The following ILDR1 variants were observed in gnomAD, a reference collection of about 807,000 sequenced individuals.
ILDR1 encodes immunoglobulin-like domain-containing receptor 1.
Under a neutral mutation model 62.4 loss-of-function variants are expected in ILDR1, and 56 were observed. The observed-to-expected ratio is 0.90, with a 90% CI of 0.72 to 1.12. The LOEUF is 1.12. ILDR1 is among the 50% of genes most tolerant of loss of function. The pLI, the probability that ILDR1 is intolerant of heterozygous loss-of-function variation, is 0.00. For missense variants in ILDR1, 736 were observed against 710.6 expected, an observed-to-expected ratio of 1.04 and a Z score of -0.41; for synonymous variants, 284 against 277.8, an observed-to-expected ratio of 1.02 and a Z score of -0.22.
rs1559875102 is a variant in ILDR1, at chr3:122,001,402, C to G, written c.552G>C (p.Leu184=). 1.2e-6 allele frequency: 2 copies of G among 1,614,136 alleles called. No individual in the cohort carries two copies. Among genetic ancestry groups the G allele is most frequent in the Non-Finnish European group, 8.5e-7 (1 of 1,180,012 alleles). Residue 184 remains leucine (L), a synonymous_variant, in exon 5 of 8, where the codon CTG becomes CTC. Coordinates refer to ENST00000344209, the MANE Select transcript of ILDR1 (RefSeq NM_001199799.2). The stretch of plus-strand genomic sequence containing the variant: ...AGCACTGGCACCAGCACACTCCAAT[C>G]AGCAGCAGGAGGAGGAGGGCTCCCA... ...IILGALLLLL[L]IGVCWCQCCP...
chr3:122,045,655 C>T, the ILDR1 span, among the ~76,000 whole-genome samples: 1 of 151,512 alleles, frequency 6.6e-6, no homozygotes, highest in South Asian at 2.1e-4. Flanking sequence ...TTGAATTGAT[C>T]CCTTTACCAT....
At chr3:122,059,865 G>A in the ILDR1 span, among the ~76,000 whole-genome samples, 4 of 152,120 alleles carry the variant, frequency 2.6e-5, no homozygotes, top group East Asian at 1.9e-4. Flanking sequence ...AACACACAGC[G>A]GAAAAGCGGT....
chr3:122,039,836 T>G, the ILDR1 span, among the ~76,000 whole-genome samples: 1 of 151,892 alleles, frequency 6.6e-6, no homozygotes, highest in Non-Finnish European at 1.5e-5. Context: ...ATAACATGGG[T>G]AAAAATAAAA....
chr3:122,014,124 T>C (rs549633724), intron 1 of ILDR1, among the ~76,000 whole-genome samples: 5 of 152,364 alleles, frequency 3.3e-5, no homozygotes, highest in African/African-American at 1.2e-4. Context: ...TTGAGGAATA[T>C]TCACGCACTT....
intron 5 of ILDR1, among the ~76,000 whole-genome samples, chr3:122,000,053 A>G (rs2071493983): frequency 6.6e-6 from 1 of 152,112 alleles, no homozygotes. Flanking sequence ...TCTTTGAAAA[A>G]AAAAAACAGC....
rs1039284384 is a variant in ILDR1 at position 122,001,644 on chromosome 3, G to A, written c.499+101C>T. On this transcript the variant is annotated intron_variant, in intron 4 of 7. Coordinates refer to ENST00000344209, the MANE Select transcript of ILDR1 (RefSeq NM_001199799.2). Reference sequence around the variant, plus strand: ...TTAGAGGTTGATAATCCAATGACAAGAACTTAGGCTTGCTTATTTCTGGTT... The same window carrying A: ...TTAGAGGTTGATAATCCAATGACAAAAACTTAGGCTTGCTTATTTCTGGTT... The A allele has an allele frequency of 6.3e-5, 98 of 1,551,216 alleles. 1 individual carries two copies. Among genetic ancestry groups the A allele is most frequent in the South Asian group, 3.3e-4 (29 of 88,934 alleles).
chr3:122,024,214 ATTAAACC>A, upstream of ILDR1, among the ~76,000 whole-genome samples: 1 of 152,332 alleles, frequency 6.6e-6, no homozygotes, highest in African/African-American at 2.4e-5. Context: ...TTCAGGACAT[ATTAAACC>A]TTAGAGTGTT....
chr3:122,061,428 C>T, the ILDR1 span, among the ~76,000 whole-genome samples: 1 of 151,998 alleles, frequency 6.6e-6, no homozygotes. Flanking sequence ...AAGAAATAAA[C>T]ATGACAAAAA....
chr3:122,014,172 A>T (rs2071744867), intron 1 of ILDR1, among the ~76,000 whole-genome samples: 1 of 152,240 alleles, frequency 6.6e-6, no homozygotes, highest in Non-Finnish European at 1.5e-5. Context: ...CATTTTGTAC[A>T]GAAGCTCTTC....
intron 3 of ILDR1, 62 bp downstream of exon 3, chr3:122,005,182 C>T: frequency 8.3e-7 from 1 of 1,211,330 alleles, no homozygotes; most frequent in South Asian, 1.3e-5. Context: ...ACTCAGCCTG[C>T]CAGGCCTGGT....
intron 5 of ILDR1, among the ~76,000 whole-genome samples, chr3:122,000,823 G>T (rs1047505241): frequency 1.3e-5 from 2 of 152,196 alleles, no homozygotes; most frequent in Non-Finnish European, 2.9e-5. Flanking sequence ...CATTCAGTTG[G>T]TGTGCGCTGA....
chr3:122,040,375 A>G, the ILDR1 span, among the ~76,000 whole-genome samples: 1 of 152,054 alleles, frequency 6.6e-6, no homozygotes, highest in Admixed American at 6.5e-5. Context: ...AAGAAGTTGC[A>G]TAAAAAATAT....
chr3:122,031,773 G>A, the ILDR1 span, among the ~76,000 whole-genome samples: 2 of 152,194 alleles, frequency 1.3e-5, no homozygotes, highest in African/African-American at 4.8e-5. Context: ...TCAGAACTAT[G>A]AGAAACAAAT....
chr3:122,014,858 C>G lies in ILDR1; in HGVS notation c.58+7162G>C, dbSNP rs139928091. 6.6e-5 allele frequency among the ~76,000 whole-genome samples: 10 copies of G among 152,284 alleles called. No homozygotes were observed. In the East Asian group the frequency reaches 1.9e-3, roughly 29 times the overall value. ...TTGGTTACCGGGGGAGAGGCCAAGA[C>G]CTGGTTGAGGGGCAGATGCTTGGGG... On this transcript the variant is annotated intron_variant, in intron 1 of 7. Coordinates refer to ENST00000344209, the MANE Select transcript of ILDR1 (RefSeq NM_001199799.2).
At chr3:122,033,774 C>A in the ILDR1 span, among the ~76,000 whole-genome samples, 5 of 152,150 alleles carry the variant, frequency 3.3e-5, no homozygotes, top group African/African-American at 1.2e-4. Flanking sequence ...GCAGTGTCAC[C>A]TTTACCCCAA....
At chr3:122,016,885 G>A (rs765491582) in intron 1 of ILDR1, among the ~76,000 whole-genome samples, 2 of 152,128 alleles carry the variant, frequency 1.3e-5, no homozygotes, top group Non-Finnish European at 2.9e-5. Flanking sequence ...AAAAGAAGGG[G>A]CAGATCCTGG....
At chr3:121,997,856 G>C (rs1322224288) in intron 5 of ILDR1, among the ~76,000 whole-genome samples, 1 of 152,198 alleles carries the variant, frequency 6.6e-6, no homozygotes, top group Non-Finnish European at 1.5e-5. Flanking sequence ...CCTACAGAGG[G>C]CTGTTTACCA....
the ILDR1 span, among the ~76,000 whole-genome samples, chr3:122,038,094 C>A: frequency 3.3e-5 from 5 of 152,206 alleles, no homozygotes; most frequent in Non-Finnish European, 5.9e-5. Context: ...AATTAAACCT[C>A]TTTTCTTCAA....
the ILDR1 span, chr3:122,055,446 G>A: frequency 6.2e-7 from 1 of 1,605,706 alleles, no homozygotes; most frequent in East Asian, 2.2e-5. Flanking sequence ...ACACGGATGA[G>A]TGGGGTCATT....
Sources: gnomAD v4.1 joint callset for allele counts (sites outside exome capture counted in the v4.1 genomes callset) on GRCh38, gnomAD v4.1.1 for gene constraint, MANE v1.5 for transcripts, NCBI Gene and HGNC (gene_info 2026-07-23, HGNC 2026-07-21) for gene names.